Variants in POLR2F observed in about 807,000 individuals in gnomAD.
POLR2F encodes the protein RNA polymerase II, I and III subunit F.
In POLR2F, 12 loss-of-function variants were observed where a neutral mutation model predicts 22.7. That is an observed-to-expected ratio of 0.53 (90% CI 0.34 to 0.86). POLR2F has a LOEUF of 0.86. Among genes scored for constraint, POLR2F ranks in the 40% least tolerant of loss-of-function variants. The pLI is 0.02. For missense variants in POLR2F, 126 were observed against 171.5 expected (o/e 0.73, Z 1.48); for synonymous variants, 57 against 66.0 (o/e 0.86, Z 0.66).
At chr22:37,954,146 G>C (rs1025077253) in intron 1 of POLR2F, among the ~76,000 whole-genome samples, 1 of 152,114 alleles carries the variant, frequency 6.6e-6, no homozygotes, top group African/African-American at 2.4e-5. Context: ...TTCTAGAAAA[G>C]GGGTCACAGG....
chr22:38,027,310 A>G (rs949227487), downstream of POLR2F, among the ~76,000 whole-genome samples: 4 of 152,122 alleles, frequency 2.6e-5, no homozygotes, highest in African/African-American at 9.7e-5. Flanking sequence ...TGTTCTTCTC[A>G]CAGGATGTGA....
At chr22:37,967,342 G>A in intron 4 of POLR2F, 172 bp downstream of exon 4, 1 of 1,471,320 alleles carries the variant, frequency 6.8e-7, no homozygotes, top group Non-Finnish European at 9.0e-7. Flanking sequence ...AGGAGGCAGG[G>A]AAAGTGGGAG....
intron 1 of POLR2F, among the ~76,000 whole-genome samples, chr22:38,000,413 G>T (rs1477665721): frequency 6.6e-6 from 1 of 152,218 alleles, no homozygotes; most frequent in African/African-American, 2.4e-5. Context: ...GGATGCTAGG[G>T]GCCAAGTGGG....
Position 37,974,445 on chromosome 22 carries a change from T to A in POLR2F, c.293+7275T>A, listed in dbSNP as rs1932165618. 6.6e-6 allele frequency among the ~76,000 whole-genome samples: 1 copy of A among 150,854 alleles called. No homozygotes were observed. Among genetic ancestry groups the A allele is most frequent in the Admixed American group, 6.6e-5 (1 of 15,146 alleles). ...TCGGCTCACTGCAACCTCTGCCTCC[T>A]GGGTTCAAATGATTCTCCTGCCTCA... is the stretch of plus-strand genomic sequence containing the variant. On this transcript the variant is annotated intron_variant, in intron 4 of 4. Transcript: ENST00000405557. This position sits in a 1 kb window ranked among gnomAD's most constrained non-coding sequence, Gnocchi z 5.4.
intron 3 of POLR2F, among the ~76,000 whole-genome samples, chr22:37,960,305 C>T (rs949478850): frequency 1.4e-4 from 21 of 151,858 alleles, no homozygotes; most frequent in African/African-American, 5.1e-4. Context: ...CTCAGTACAA[C>T]CCCTGCCTCC....
chr22:38,013,575 C>A (rs1017539285), intron 1 of POLR2F, among the ~76,000 whole-genome samples: 1 of 152,214 alleles, frequency 6.6e-6, no homozygotes, highest in Non-Finnish European at 1.5e-5. Flanking sequence ...TTGTCAAAAA[C>A]AAATTTACTA....
At chr22:38,010,331 C>T (rs1323776556) in intron 1 of POLR2F, among the ~76,000 whole-genome samples, 1 of 151,478 alleles carries the variant, frequency 6.6e-6, no homozygotes, top group Non-Finnish European at 1.5e-5. Flanking sequence ...GCTATGATTG[C>T]AGCACTGCAC....
At chr22:38,013,563 C>G (rs1007282888) in intron 1 of POLR2F, among the ~76,000 whole-genome samples, 1 of 152,172 alleles carries the variant, frequency 6.6e-6, no homozygotes, top group African/African-American at 2.4e-5. Flanking sequence ...TAACTTATAC[C>G]CTTGTCAAAA....
chr22:38,008,761 G>A (rs1355071412), intron 1 of POLR2F, among the ~76,000 whole-genome samples: 2 of 151,488 alleles, frequency 1.3e-5, no homozygotes. Flanking sequence ...GGGAGGTTGA[G>A]GTGGGAGAAT....
At chr22:37,996,854 G>A (rs2070896118) in intron 1 of POLR2F, among the ~76,000 whole-genome samples, 1 of 152,162 alleles carries the variant, frequency 6.6e-6, no homozygotes, top group South Asian at 2.1e-4. Flanking sequence ...GGTAGATTTG[G>A]GTGGGACATC....
chr22:37,962,483 C>T (rs187289099), intron 3 of POLR2F, among the ~76,000 whole-genome samples: 5 of 152,258 alleles, frequency 3.3e-5, no homozygotes, highest in South Asian at 2.1e-4. Context: ...AGCCTGGTTG[C>T]ACTCCTTGCT....
chr22:37,960,428 C>T (rs11705635), intron 3 of POLR2F, among the ~76,000 whole-genome samples: 3 of 152,028 alleles, frequency 2.0e-5, no homozygotes, highest in Admixed American at 6.5e-5. Flanking sequence ...GATGGAGTCT[C>T]GCTCTATCAC....
downstream of POLR2F, among the ~76,000 whole-genome samples, chr22:38,031,444 C>G (rs978626722): frequency 3.9e-5 from 6 of 152,138 alleles, no homozygotes; most frequent in African/African-American, 1.4e-4. The surrounding 1 kb of genome is among the most constrained non-coding windows in gnomAD (Gnocchi z 4.1). Context: ...GTAGTAATTA[C>G]AGTCATGTCT....
In POLR2F at chr22:38,016,014, A is replaced by G. The variant is rs934953262; in HGVS notation, c.121-9855A>G. On this transcript the variant is annotated intron_variant, in intron 1 of 2. Transcript: ENST00000333418. The surrounding 1 kb of genome is among the most constrained non-coding windows in gnomAD (Gnocchi z 4.4). ...CCACCCCTCCTGGAACTCTCCCCCGATGGTCTTCCCTACTCTCTAGCCCAC... is the reference window on the plus strand; with the variant it reads ...CCACCCCTCCTGGAACTCTCCCCCGGTGGTCTTCCCTACTCTCTAGCCCAC... Among the ~76,000 whole-genome samples the G allele has an allele frequency of 6.6e-6, 1 of 151,772 alleles. No homozygotes were observed. The highest frequency in any genetic ancestry group is 2.4e-5 in the African/African-American group (1 of 41,274).
intron 1 of POLR2F, among the ~76,000 whole-genome samples, chr22:38,005,138 G>A (rs1388799999): frequency 6.6e-6 from 1 of 152,258 alleles, no homozygotes; most frequent in Non-Finnish European, 1.5e-5. Context: ...AACTCAGCGA[G>A]TAGATATGCA....
chr22:38,033,519 T>G (rs2085085863), intron 5 of POLR2F, among the ~76,000 whole-genome samples: 1 of 152,220 alleles, frequency 6.6e-6, no homozygotes, highest in South Asian at 2.1e-4. Flanking sequence ...TGCTGGGAAC[T>G]CCAGGACCAA....
rs998760432 is a variant in POLR2F at position 37,997,291 on chromosome 22, C to T, written c.120+10979C>T. Among the ~76,000 whole-genome samples, 1 of 151,990 alleles carries T rather than the reference C, an allele frequency of 6.6e-6. No individual in the cohort carries two copies. Among genetic ancestry groups the T allele is most frequent in the African/African-American group, 2.4e-5 (1 of 41,368 alleles). ...TTCTTTCTCTGTCCATTGCTCCCTC[C>T]TTCTCCTCTTTCTGTCCCCAGCCTC... On this transcript the variant is annotated intron_variant, in intron 1 of 2. Coordinates refer to the POLR2F transcript ENST00000333418. This position sits in a 1 kb window ranked among gnomAD's most constrained non-coding sequence, Gnocchi z 4.4.
chr22:37,978,569 C>G lies in POLR2F; in HGVS notation c.293+11399C>G, dbSNP rs1932297504. On this transcript the variant is annotated intron_variant, in intron 4 of 4. Coordinates refer to the POLR2F transcript ENST00000405557. The surrounding 1 kb of genome is among the most constrained non-coding windows in gnomAD (Gnocchi z 5.0). ...AGGGTGGGCAATAGAAGCAGCATGGCTGGGGGAGAACTCAGTCTCTGCTAC... is the reference window on the plus strand; with the variant it reads ...AGGGTGGGCAATAGAAGCAGCATGGGTGGGGGAGAACTCAGTCTCTGCTAC... Among the ~76,000 whole-genome samples the G allele has an allele frequency of 6.6e-6, 1 of 152,190 alleles. No individual in the cohort carries two copies. Among genetic ancestry groups the G allele is most frequent in the African/African-American group, 2.4e-5 (1 of 41,444 alleles).
In POLR2F at chr22:38,026,536, C is replaced by T. The variant is rs1601915062; in HGVS notation, c.*226C>T. ...CAGAGGAGGGAAGGCGGGATGGCCCCTCTTTCCCCACCGCCTCTCTCTGTC... is the reference window on the plus strand; with the variant it reads ...CAGAGGAGGGAAGGCGGGATGGCCCTTCTTTCCCCACCGCCTCTCTCTGTC... On this transcript the variant is annotated 3_prime_UTR_variant, in exon 3 of 3. Coordinates refer to the POLR2F transcript ENST00000333418. The T allele has an allele frequency of 8.8e-6, 3 of 341,798 alleles. No individual in the cohort carries two copies. In the East Asian group the frequency reaches 2.3e-4, roughly 27 times the overall value. The allele number at this position is 341,798 out of a possible 1,614,324, so 21.2% of individuals were successfully genotyped here. A position where few individuals can be genotyped will look rare whatever the true frequency, so the allele number is the denominator to read the frequency against.
Sources: gnomAD v4.1 joint callset for allele counts (sites outside exome capture counted in the v4.1 genomes callset) on GRCh38, gnomAD v4.1.1 for gene constraint, Gnocchi (gnomAD v3.1) non-coding constraint, MANE v1.5 for transcripts, NCBI Gene and HGNC (gene_info 2026-07-23, HGNC 2026-07-21) for gene names.